The following FHIT variants were observed in gnomAD, a reference collection of about 807,000 sequenced individuals.
FHIT encodes the protein bis(5'-adenosyl)-triphosphatase.
FHIT carries 19 observed loss-of-function variants against 17.9 expected under a neutral mutation model. The observed-to-expected ratio is 1.06, with a 90% CI of 0.74 to 1.56. The LOEUF (loss-of-function observed/expected upper bound fraction) is 1.56, where lower values mean the gene tolerates loss of function less well. FHIT is among the 40% of genes most tolerant of loss of function. FHIT has a pLI of 0.00. For synonymous variants in FHIT, 81 were observed against 69.7 expected (o/e 1.16, Z -0.81); for missense variants, 248 against 189.2 (o/e 1.31, Z -1.82).
At chr3:60,927,559 C>G (rs1296031723) in intron 3 of FHIT, among the ~76,000 whole-genome samples, 1 of 152,088 alleles carries the variant, frequency 6.6e-6, no homozygotes, top group Non-Finnish European at 1.5e-5. Flanking sequence ...GCCTGGCCGC[C>G]CATCATCTGG....
At chr3:59,927,788 C>T (rs1049172519) in intron 7 of FHIT, among the ~76,000 whole-genome samples, 11 of 151,862 alleles carry the variant, frequency 7.2e-5, no homozygotes, top group African/African-American at 2.7e-4. Flanking sequence ...ACAACAACAA[C>T]AAAAACCCAA....
intron 4 of FHIT, among the ~76,000 whole-genome samples, chr3:60,684,058 G>C (rs1439475915): frequency 6.6e-6 from 1 of 152,146 alleles, no homozygotes; most frequent in African/African-American, 2.4e-5. Flanking sequence ...AGAGAGGTCA[G>C]TAGCTGGCTT....
Position 60,192,718 on chromosome 3 carries a change from C to T in FHIT, c.104-178566G>A, listed in dbSNP as rs557967284. Among the ~76,000 whole-genome samples the T allele has an allele frequency of 2.0e-5, 3 of 152,262 alleles. No individual in the cohort carries two copies. The East Asian group carries it at 5.8e-4, about 29-fold the overall frequency. ...TCTGGATATGTATCTTTATTTCACC[C>T]CACACTCTGAGTCCTAACTTTCTAC... On this transcript the variant is annotated intron_variant, in intron 5 of 9. Coordinates refer to ENST00000492590, the MANE Select transcript of FHIT (RefSeq NM_002012.4).
intron 5 of FHIT, among the ~76,000 whole-genome samples, chr3:60,034,433 G>T (rs1209455332): frequency 6.6e-6 from 1 of 152,152 alleles, no homozygotes; most frequent in Non-Finnish European, 1.5e-5. Context: ...AAGATGATAT[G>T]ATCAAGAAAA....
chr3:60,582,416 T>C (rs2037777063), intron 4 of FHIT, among the ~76,000 whole-genome samples: 2 of 152,084 alleles, frequency 1.3e-5, no homozygotes, highest in African/African-American at 4.8e-5. Flanking sequence ...AACAGAAAAT[T>C]TTATAAAACA....
intron 8 of FHIT, among the ~76,000 whole-genome samples, chr3:59,885,625 C>T (rs111774238): frequency 5.3e-5 from 8 of 152,220 alleles, no homozygotes; most frequent in African/African-American, 1.9e-4. Context: ...CTGCATCATC[C>T]TTGCAAAGCT....
chr3:60,029,887 G>C (rs977951064), intron 5 of FHIT, among the ~76,000 whole-genome samples: 2 of 98,308 alleles, frequency 2.0e-5, no homozygotes, highest in African/African-American at 6.5e-5. Context: ...CATTGTGTGT[G>C]TGTGTGTGTC....
intron 8 of FHIT, among the ~76,000 whole-genome samples, chr3:59,916,492 C>T (rs533534751): frequency 2.6e-5 from 4 of 152,290 alleles, no homozygotes; most frequent in Admixed American, 2.6e-4. Flanking sequence ...TACATCTATC[C>T]TACTAGTTCT....
At chr3:60,916,018 A>T (rs1349031) in intron 3 of FHIT, among the ~76,000 whole-genome samples, 6 of 151,878 alleles carry the variant, frequency 4.0e-5, no homozygotes, top group African/African-American at 1.5e-4. Context: ...CATGACTACA[A>T]ATAATGGCAT....
chr3:60,281,039 T>C (rs1464637556), intron 5 of FHIT, among the ~76,000 whole-genome samples: 1 of 152,102 alleles, frequency 6.6e-6, no homozygotes, highest in Non-Finnish European at 1.5e-5. Flanking sequence ...ATAAAATATT[T>C]CTTTCCAATA....
intron 4 of FHIT, among the ~76,000 whole-genome samples, chr3:60,679,307 A>G (rs1396332955): frequency 9.2e-5 from 14 of 152,190 alleles, no homozygotes; most frequent in African/African-American, 3.4e-4. Flanking sequence ...AAACAGGTCA[A>G]TGAAGCTACC....
At chr3:60,038,289 TG>T in intron 5 of FHIT, among the ~76,000 whole-genome samples, 1 of 152,298 alleles carries the variant, frequency 6.6e-6, no homozygotes, top group East Asian at 1.9e-4. Context: ...CAGACTATAG[TG>T]GGAATAAAAT....
chr3:60,010,070 A>G (rs145465956), intron 7 of FHIT, among the ~76,000 whole-genome samples: 79 of 152,330 alleles, frequency 5.2e-4, no homozygotes, highest in African/African-American at 1.8e-3. Context: ...TCAAATAGAT[A>G]TTGCATAGTG....
chr3:60,163,019 A>C (rs890723386), intron 5 of FHIT, among the ~76,000 whole-genome samples: 1 of 152,198 alleles, frequency 6.6e-6, no homozygotes, highest in African/African-American at 2.4e-5. Context: ...CAAAGGTCCT[A>C]GTTTCTCACA....
At chr3:60,909,166 C>A (rs1236699464) in intron 3 of FHIT, among the ~76,000 whole-genome samples, 3 of 151,866 alleles carry the variant, frequency 2.0e-5, no homozygotes, top group African/African-American at 7.3e-5. Context: ...GTCAGGAGAT[C>A]GAGACCATCC....
intron 4 of FHIT, among the ~76,000 whole-genome samples, chr3:60,640,904 G>A (rs2039709082): frequency 6.6e-6 from 1 of 152,218 alleles, no homozygotes. Context: ...CACAGGCCAG[G>A]TGTGGTGGCT....
chr3:60,470,318 C>T (rs777487253), intron 5 of FHIT, among the ~76,000 whole-genome samples: 22 of 152,082 alleles, frequency 1.4e-4, no homozygotes, highest in Non-Finnish European at 2.9e-4. Flanking sequence ...CTCTCTGGCT[C>T]TGGTCAGGTC....
At chr3:59,827,992 G>A (rs889529304) in intron 8 of FHIT, among the ~76,000 whole-genome samples, 1 of 152,128 alleles carries the variant, frequency 6.6e-6, no homozygotes, top group South Asian at 2.1e-4. Flanking sequence ...CACTTAGGGA[G>A]ACATTTCTAT....
intron 8 of FHIT, among the ~76,000 whole-genome samples, chr3:59,816,828 G>A (rs1455198150): frequency 6.6e-6 from 1 of 152,176 alleles, no homozygotes; most frequent in Non-Finnish European, 1.5e-5. Context: ...ATTGTCTTAT[G>A]CTCAGGAAAC....
Sources: allele counts gnomAD v4.1 joint callset (sites outside exome capture counted in the v4.1 genomes callset), GRCh38; gene constraint gnomAD v4.1.1; transcripts MANE v1.5; gene names NCBI Gene and HGNC (gene_info 2026-07-23, HGNC 2026-07-21).